ANKRD6: variants seen among roughly 807,000 people sequenced by gnomAD.
ANKRD6 encodes ankyrin repeat domain-containing protein 6.
A neutral mutation model predicts 82.3 loss-of-function variants in ANKRD6; 56 were observed. The observed-to-expected ratio is 0.68, with a 90% CI of 0.55 to 0.85. The LOEUF is 0.85. Among genes scored for constraint, ANKRD6 ranks in the 40% least tolerant of loss-of-function variants. The pLI, the probability that ANKRD6 is intolerant of heterozygous loss-of-function variation, is 0.00. For missense variants in ANKRD6, 852 were observed against 907.6 expected, an observed-to-expected ratio of 0.94 and a Z score of 0.79; for synonymous variants, 347 against 352.1, an observed-to-expected ratio of 0.99 and a Z score of 0.16.
intron 2 of ANKRD6, among the ~76,000 whole-genome samples, chr6:89,589,815 G>A (rs897211596): frequency 6.6e-6 from 1 of 152,178 alleles, no homozygotes; most frequent in Admixed American, 6.5e-5. Context: ...TTGTTGCTTC[G>A]CAACATCTCA....
At chr6:89,450,711 C>T (rs1420391271) in intron 1 of ANKRD6, among the ~76,000 whole-genome samples, 1 of 151,602 alleles carries the variant, frequency 6.6e-6, no homozygotes, top group East Asian at 1.9e-4. Flanking sequence ...GGGGTCTCAC[C>T]AACTTGACTA....
chr6:89,437,856 C>T (rs1374125589), intron 1 of ANKRD6, among the ~76,000 whole-genome samples: 2 of 152,092 alleles, frequency 1.3e-5, no homozygotes, highest in Non-Finnish European at 2.9e-5. Context: ...TGCAGTGGTG[C>T]AATTTCAACT....
chr6:89,516,204 G>A (rs565437319), intron 1 of ANKRD6, among the ~76,000 whole-genome samples: 1 of 152,324 alleles, frequency 6.6e-6, no homozygotes, highest in Non-Finnish European at 1.5e-5. Context: ...ACTGAGTAGA[G>A]CAGATGGCCC....
At chr6:89,519,437 A>G (rs998286898) in intron 1 of ANKRD6, among the ~76,000 whole-genome samples, 5 of 152,336 alleles carry the variant, frequency 3.3e-5, no homozygotes, top group African/African-American at 7.2e-5. Context: ...GAAGCATTCT[A>G]TAGAAAGAAT....
Position 89,570,299 on chromosome 6 carries a change from G to A in ANKRD6, c.120+3203G>A, listed in dbSNP as rs191653551. Among the ~76,000 whole-genome samples, 315 of 152,148 alleles carry A rather than the reference G, an allele frequency of 2.1e-3. 3 individuals carry two copies. Among genetic ancestry groups the A allele is most frequent in the African/African-American group, 7.3e-3 (302 of 41,498 alleles). On this transcript the variant is annotated intron_variant, in intron 2 of 15. Coordinates refer to ENST00000339746, the MANE Select transcript of ANKRD6 (RefSeq NM_001242809.2). ...TGGTCTCGAACTCCTGGTCTCAAGT[G>A]ATCTTCCCTCCTCAGCCTCCCAAAG...
chr6:89,501,201 A>G (rs1196664524), intron 1 of ANKRD6, among the ~76,000 whole-genome samples: 9 of 152,210 alleles, frequency 5.9e-5, no homozygotes, highest in Middle Eastern at 3.2e-3. Context: ...CAAAATCAAG[A>G]CTTAACGATT....
At chr6:89,590,946 G>A (rs566425876) in intron 2 of ANKRD6, among the ~76,000 whole-genome samples, 89 of 152,200 alleles carry the variant, frequency 5.8e-4, no homozygotes, top group Admixed American at 1.9e-3. Context: ...GGACCCAAGC[G>A]TTCAATAAAT....
chr6:89,535,897 A>G (rs963885818), intron 1 of ANKRD6, among the ~76,000 whole-genome samples: 1 of 152,206 alleles, frequency 6.6e-6, no homozygotes, highest in Non-Finnish European at 1.5e-5. Context: ...TGTGGGTATA[A>G]TAGGGCCAAT....
chr6:89,473,997 A>G (rs1264251278), intron 1 of ANKRD6, among the ~76,000 whole-genome samples: 1 of 152,158 alleles, frequency 6.6e-6, no homozygotes, highest in Non-Finnish European at 1.5e-5. Context: ...AAACAAAACA[A>G]AAATTTTCAA....
Position 89,433,352 on chromosome 6 carries a change from G to A in ANKRD6, c.-167G>A, listed in dbSNP as rs1414517117. On this transcript the variant is annotated 5_prime_UTR_variant, in exon 1 of 16. Coordinates refer to ENST00000339746, the MANE Select transcript of ANKRD6 (RefSeq NM_001242809.2). The surrounding 1 kb of genome is among the most constrained non-coding windows in gnomAD (Gnocchi z 4.3). ...TCGCCGGCCTTGGTCCCTGCGGCGC[G>A]GACGTCCGGCGCGGGAGAGAAAGGT... The A allele has an allele frequency of 1.3e-5, 2 of 152,156 alleles. No homozygotes were observed. Among genetic ancestry groups the A allele is most frequent in the Non-Finnish European group, 2.9e-5 (2 of 68,014 alleles). The allele number at this position is 152,156 out of a possible 1,614,324, so 9.4% of individuals were successfully genotyped here. A position where few individuals can be genotyped will look rare whatever the true frequency, so the allele number is the denominator to read the frequency against.
chr6:89,630,155 AG>A (rs1167186204), intron 15 of ANKRD6, among the ~76,000 whole-genome samples: 1 of 152,232 alleles, frequency 6.6e-6, no homozygotes, highest in East Asian at 1.9e-4. Context: ...GGCGGGCTGA[AG>A]GAAAAGCCAG....
chr6:89,479,584 CTTTT>C (rs920370343), intron 1 of ANKRD6, among the ~76,000 whole-genome samples: 15 of 150,236 alleles, frequency 1.0e-4, no homozygotes, highest in African/African-American at 3.4e-4. Flanking sequence ...AGAATTATTT[CTTTT>C]TTTATTTTTT....
intron 2 of ANKRD6, among the ~76,000 whole-genome samples, chr6:89,576,508 C>G (rs1297923681): frequency 6.6e-6 from 1 of 152,310 alleles, no homozygotes; most frequent in Admixed American, 6.5e-5. Context: ...GCTCATGACC[C>G]TTCACTTTTC....
chr6:89,628,764 C>G lies in ANKRD6; in HGVS notation c.1486-348C>G, dbSNP rs1479725705. ...CAGCCTGGGCGACAGAGCGAGACTT[C>G]CATCTCAAAAAACAAACAAACAAAC... On this transcript the variant is annotated intron_variant, in intron 14 of 15. Transcript: ENST00000339746. 13 of 271,578 alleles carry G rather than the reference C, an allele frequency of 4.8e-5. No homozygotes were observed. In the East Asian group the frequency reaches 6.7e-4, roughly 14 times the overall value. 16.8% of individuals were successfully genotyped at this position (271,578 alleles called of 1,614,324 possible).
At chr6:89,546,060 G>A (rs1785053508) in intron 1 of ANKRD6, among the ~76,000 whole-genome samples, 1 of 152,172 alleles carries the variant, frequency 6.6e-6, no homozygotes, top group Admixed American at 6.5e-5. Context: ...GCCCGCCTCA[G>A]CCTCCCAAAG....
At chr6:89,624,081 G>A (rs746518500) in intron 12 of ANKRD6, 24 bp downstream of exon 12, 6 of 1,595,120 alleles carry the variant, frequency 3.8e-6, no homozygotes, top group Non-Finnish European at 4.3e-6. Context: ...AGTGTCAGGA[G>A]AAGGGAACAT....
At chr6:89,459,015 A>G (rs1043240766) in intron 1 of ANKRD6, among the ~76,000 whole-genome samples, 1 of 152,168 alleles carries the variant, frequency 6.6e-6, no homozygotes, top group Non-Finnish European at 1.5e-5. Context: ...CACCTGTGGT[A>G]TAGGCGCTTC....
intron 2 of ANKRD6, 133 bp from the exon 3 acceptor site, chr6:89,595,779 TCTCC>T: frequency 1.5e-6 from 1 of 653,358 alleles, no homozygotes; most frequent in African/African-American, 1.8e-5. Context: ...CCCATAAGAA[TCTCC>T]TGCCAATCCA....
At chr6:89,540,116 T>TA (rs1241270440) in intron 1 of ANKRD6, among the ~76,000 whole-genome samples, 1 of 152,192 alleles carries the variant, frequency 6.6e-6, no homozygotes, top group Non-Finnish European at 1.5e-5. Context: ...TTTTTTTTGA[T>TA]ACACTGGTTT....
Sources: gnomAD v4.1 joint callset for allele counts (sites outside exome capture counted in the v4.1 genomes callset) on GRCh38, gnomAD v4.1.1 for gene constraint, Gnocchi (gnomAD v3.1) non-coding constraint, MANE v1.5 for transcripts, NCBI Gene and HGNC (gene_info 2026-07-23, HGNC 2026-07-21) for gene names.